The following ELN variants were observed in gnomAD, a reference collection of about 807,000 sequenced individuals.
ELN encodes the protein tropoelastin.
Under a neutral mutation model 105.8 loss-of-function variants are expected in ELN, and 65 were observed. That is an observed-to-expected ratio of 0.61 (90% CI 0.50 to 0.75). ELN has a LOEUF of 0.75. Ranked by LOEUF, ELN falls within the 30% of genes least tolerant of loss-of-function variation. The probability of loss-of-function intolerance (pLI) is 0.00; values close to 1 mark genes in which losing one functional copy is unlikely to be tolerated. For missense variants in ELN, 882 were observed against 969.4 expected (o/e 0.91, Z 1.20); for synonymous variants, 368 against 389.2 (o/e 0.95, Z 0.64).
intron 18 of ELN, 70 bp from the exon 19 acceptor site, chr7:74,054,646 A>G: frequency 6.7e-7 from 1 of 1,498,832 alleles, no homozygotes; most frequent in Admixed American, 1.7e-5. Flanking sequence ...ATGGGTAGAC[A>G]GAGGGATACA....
rs1178310354 is a variant in ELN at position 74,064,369 on chromosome 7, C to A, written c.1993+674C>A. 2.7e-5 allele frequency among the ~76,000 whole-genome samples: 4 copies of A among 150,392 alleles called. No individual in the cohort carries two copies. In the East Asian group the frequency reaches 7.8e-4, roughly 29 times the overall value. ...GGCGGAGCTTGCAGTGAGCCGAGAT[C>A]GCGCCACTGCACTCCAGCCTGGGCG... is the stretch of plus-strand genomic sequence containing the variant. On this transcript the variant is annotated intron_variant, in intron 29 of 32. Coordinates refer to ENST00000252034, the MANE Select transcript of ELN (RefSeq NM_000501.4).
chr7:74,043,769 C>T, intron 8 of ELN, 110 bp from the exon 9 acceptor site: 1 of 1,416,766 alleles, frequency 7.1e-7, no homozygotes, highest in Non-Finnish European at 9.8e-7. Context: ...CCCTGTCGGG[C>T]ACAGAGGCTG....
At chr7:74,033,751 C>A (rs1014928951) in intron 1 of ELN, among the ~76,000 whole-genome samples, 1 of 152,200 alleles carries the variant, frequency 6.6e-6, no homozygotes, top group African/African-American at 2.4e-5. Flanking sequence ...CGTCTGGCCG[C>A]GAGGCCTCCC....
Position 74,056,347 on chromosome 7 carries a change from C to G in ELN, c.1227C>G (p.Val409=). The G allele has an allele frequency of 1.2e-6, 2 of 1,613,516 alleles. No individual in the cohort carries two copies. The change falls in exon 20 of 33, where the codon GTC becomes GTG. Residue 409 remains valine (V), a synonymous_variant. Coordinates refer to ENST00000252034, the MANE Select transcript of ELN (RefSeq NM_000501.4). ...VGAGGFPGFG[V]GVGGIPGVAG... is the part of the protein sequence containing the mutation. The stretch of plus-strand genomic sequence containing the variant: ...CTGGGGGCTTTCCCGGCTTTGGTGT[C>G]GGAGTCGGAGGTATCCCTGGAGTCG...
chr7:74,064,827 G>A (rs118028277), intron 29 of ELN, among the ~76,000 whole-genome samples: 2,580 of 152,234 alleles, frequency 0.017, 40 homozygotes, highest in Non-Finnish European at 0.023. Context: ...CATGGTGGCC[G>A]ACCTTGTGTG....
intron 20 of ELN, 63 bp from the exon 21 acceptor site, chr7:74,056,609 C>T (rs1450431066): frequency 1.9e-6 from 3 of 1,612,498 alleles, no homozygotes; most frequent in Non-Finnish European, 2.5e-6. Flanking sequence ...GAGCTTTAAA[C>T]ACGGCTCGGA....
chr7:74,053,051 C>T lies in ELN; in HGVS notation c.950-112C>T. 2.6e-6 allele frequency: 4 copies of T among 1,513,550 alleles called. No individual in the cohort carries two copies. In the South Asian group the frequency reaches 3.5e-5, roughly 13 times the overall value. 93.8% of individuals were successfully genotyped at this position (1,513,550 alleles called of 1,614,324 possible). On this transcript the variant is annotated intron_variant, in intron 17 of 32. Coordinates refer to ENST00000252034, the MANE Select transcript of ELN (RefSeq NM_000501.4). The stretch of plus-strand genomic sequence containing the variant: ...GATCCATGCAGAGGAAATGTCAACC[C>T]ACCTGCAATCCTGCATTCAGGACCA...
chr7:74,064,950 G>C (rs1422644799), intron 29 of ELN, among the ~76,000 whole-genome samples: 8 of 151,924 alleles, frequency 5.3e-5, no homozygotes, highest in African/African-American at 1.9e-4. Flanking sequence ...TAACAATTAA[G>C]ACTTTTGGGG....
At chr7:74,056,090 C>T (rs782526900) in intron 19 of ELN, among the ~76,000 whole-genome samples, 181 bp from the exon 20 acceptor site, 1 of 152,070 alleles carries the variant, frequency 6.6e-6, no homozygotes, top group Non-Finnish European at 1.5e-5. Context: ...CCCGGCCCCA[C>T]ATTTTTTTTA....
chr7:74,044,123 C>G (rs1414272586), intron 9 of ELN, among the ~76,000 whole-genome samples: 2 of 152,044 alleles, frequency 1.3e-5, no homozygotes, highest in Non-Finnish European at 2.9e-5. Flanking sequence ...CACCTGTAGT[C>G]CCAGCTACTC....
chr7:74,060,540 C>A, intron 25 of ELN, 39 bp downstream of exon 25: 1 of 1,614,164 alleles, frequency 6.2e-7, no homozygotes, highest in Non-Finnish European at 8.5e-7. Flanking sequence ...GTCCCCTGAG[C>A]TCAGGGAAGG....
chr7:74,052,292 C>T (rs1794218536), intron 17 of ELN: 2 of 463,918 alleles, frequency 4.3e-6, no homozygotes, highest in South Asian at 2.2e-5. Flanking sequence ...AGAATTCTGA[C>T]TGTGCTTTAG....
chr7:74,036,827 G>A (rs1484033747), intron 3 of ELN, among the ~76,000 whole-genome samples: 3 of 151,868 alleles, frequency 2.0e-5, no homozygotes, highest in Non-Finnish European at 4.4e-5. Flanking sequence ...TTTTTTGGTG[G>A]GGGAGGACGG....
At chr7:74,057,462 G>A (rs1554680956) in intron 21 of ELN, 178 bp from the exon 22 acceptor site, 1 of 1,552,222 alleles carries the variant, frequency 6.4e-7, no homozygotes, top group Non-Finnish European at 8.7e-7. Context: ...CACGGGAGGA[G>A]TGCCAGGTGA....
At chr7:74,036,422 G>A in intron 2 of ELN, 133 bp from the exon 3 acceptor site, 1 of 1,182,452 alleles carries the variant, frequency 8.5e-7, no homozygotes, top group East Asian at 2.3e-5. Context: ...AGAAAACCGA[G>A]GCTTGCAGAG....
chr7:74,063,699 A>T lies in ELN; in HGVS notation c.1993+4A>T, dbSNP rs781872334. 2.5e-6 allele frequency: 4 copies of T among 1,614,038 alleles called. No homozygotes were observed. The South Asian group carries it at 4.4e-5, about 18-fold the overall frequency. On this transcript the variant is annotated splice_donor_region_variant and intron_variant, in intron 29 of 32. Coordinates refer to ENST00000252034, the MANE Select transcript of ELN (RefSeq NM_000501.4). The surrounding 1 kb of genome is among the most constrained non-coding windows in gnomAD (Gnocchi z 4.1). ...CCAGGTGTTGGGGGCCTTGGAGGTG[A>T]GAGTTGTTCTGAAATCAGTGAGTGT...
At chr7:74,036,666 C>T in intron 3 of ELN, 82 bp downstream of exon 3, 1 of 1,592,408 alleles carries the variant, frequency 6.3e-7, no homozygotes, top group East Asian at 2.2e-5. Context: ...ACCTGAGAAC[C>T]CTGGGAGACC....
chr7:74,028,706 G>A (rs1207121541), intron 1 of ELN, among the ~76,000 whole-genome samples: 2 of 152,200 alleles, frequency 1.3e-5, no homozygotes, highest in Non-Finnish European at 2.9e-5. Flanking sequence ...CAGCTCAACC[G>A]CAGTGAGCTG....
In ELN at chr7:74,066,760, G is replaced by A. The variant is rs782132498; in HGVS notation, c.2115G>A (p.Leu705=). The A allele has an allele frequency of 6.2e-7, 1 of 1,613,380 alleles. No individual in the cohort carries two copies. The highest frequency in any genetic ancestry group is 1.3e-5 in the African/African-American group (1 of 74,856). Residue 705 remains leucine (L), a synonymous_variant, in exon 32 of 33, where the codon TTG becomes TTA. Coordinates refer to ENST00000252034, the MANE Select transcript of ELN (RefSeq NM_000501.4). The stretch of plus-strand genomic sequence containing the variant: ...TGGCAGCAAGACCTGGCTTCGGATT[G>A]TCTCCCATTTTCCCAGGTATGCCAG... The part of the protein sequence containing the change: ...GGVAARPGFG[L]SPIFPGGACL...
Sources: allele counts gnomAD v4.1 joint callset (sites outside exome capture counted in the v4.1 genomes callset), GRCh38; gene constraint gnomAD v4.1.1; non-coding constraint Gnocchi (gnomAD v3.1); transcripts MANE v1.5; gene names NCBI Gene and HGNC (gene_info 2026-07-23, HGNC 2026-07-21).